NCKAP5: variants seen among roughly 807,000 people sequenced by gnomAD.
NCKAP5 encodes nck-associated protein 5.
A neutral mutation model predicts 167.0 loss-of-function variants in NCKAP5; 92 were observed. That is an observed-to-expected ratio of 0.55 (90% CI 0.47 to 0.66). The LOEUF is 0.66. Among genes scored for constraint, NCKAP5 ranks in the 30% least tolerant of loss-of-function variants. The probability of loss-of-function intolerance (pLI) is 0.00; values close to 1 mark genes in which losing one functional copy is unlikely to be tolerated. For synonymous variants in NCKAP5, 891 were observed against 877.4 expected (o/e 1.02, Z -0.27); for missense variants, 2,378 against 2,315.0 (o/e 1.03, Z -0.56).
At chr2:133,070,029 A>G (rs1463259587) in intron 6 of NCKAP5, among the ~76,000 whole-genome samples, 2 of 152,178 alleles carry the variant, frequency 1.3e-5, no homozygotes, top group East Asian at 3.9e-4. Context: ...AAATGCCATT[A>G]ATATCACTTA....
chr2:133,466,656 T>A (rs905693466), intron 3 of NCKAP5, among the ~76,000 whole-genome samples: 2 of 152,246 alleles, frequency 1.3e-5, no homozygotes, highest in Non-Finnish European at 2.9e-5. Flanking sequence ...GGAATGTTCT[T>A]CCGTTTGTTT....
At position 133,429,067 on chromosome 2, in the gene NCKAP5, G is replaced by T. The variant is rs372480363; in HGVS notation, c.69+88391C>A. Among the ~76,000 whole-genome samples the T allele has an allele frequency of 1.2e-3, 185 of 152,220 alleles. 2 individuals are homozygous for T. In the South Asian group the frequency reaches 0.037, roughly 31 times the overall value. On this transcript the variant is annotated intron_variant, in intron 3 of 19. Coordinates refer to ENST00000409261, the MANE Select transcript of NCKAP5 (RefSeq NM_207363.3). ...CCACATAGGATTTATGCCCTCTGCG[G>T]GACGGTTATAACAGCACAACACTGG...
intron 6 of NCKAP5, chr2:133,122,225 C>T (rs1238953744): frequency 1.3e-5 from 2 of 152,000 alleles, no homozygotes; most frequent in Non-Finnish European, 2.9e-5. Context: ...TTTCTATAAA[C>T]CACACCAAAA....
At chr2:133,548,622 C>T (rs1440988832) in intron 2 of NCKAP5, among the ~76,000 whole-genome samples, 1 of 151,830 alleles carries the variant, frequency 6.6e-6, no homozygotes, top group Non-Finnish European at 1.5e-5. Context: ...CATATCCAGC[C>T]AAACTAAGCT....
At chr2:133,158,845 G>T (rs1304868156) in intron 5 of NCKAP5, among the ~76,000 whole-genome samples, 1 of 151,848 alleles carries the variant, frequency 6.6e-6, no homozygotes, top group Non-Finnish European at 1.5e-5. Flanking sequence ...AGAACCTACT[G>T]CTCTTCTGGG....
At position 132,904,450 on chromosome 2, in the gene NCKAP5, A is replaced by T. The variant is rs77747970; in HGVS notation, c.580-25534T>A. ...ACTATACGTTATTTAACCATTTCTC[A>T]TGTTTGCTGCAAGGATTATGCTTAA... is the stretch of plus-strand genomic sequence containing the variant. On this transcript the variant is annotated intron_variant, in intron 8 of 19. Coordinates refer to ENST00000409261, the MANE Select transcript of NCKAP5 (RefSeq NM_207363.3). Among the ~76,000 whole-genome samples the T allele has an allele frequency of 8.2e-3, 1,247 of 152,216 alleles. 10 individuals carry two copies. Among genetic ancestry groups the T allele is most frequent in the Middle Eastern group, 0.02 (6 of 294 alleles).
At chr2:133,039,994 G>A (rs2079159322) in intron 6 of NCKAP5, among the ~76,000 whole-genome samples, 1 of 152,098 alleles carries the variant, frequency 6.6e-6, no homozygotes, top group South Asian at 2.1e-4. Context: ...GAAGATCAAT[G>A]TTTTGATATT....
intron 13 of NCKAP5, 62 bp from the exon 14 acceptor site, chr2:132,785,780 GA>G: frequency 3.8e-6 from 5 of 1,319,172 alleles, no homozygotes; most frequent in Non-Finnish European, 4.9e-6. Context: ...GATATAAAAG[GA>G]AAAGTACATC....
intron 8 of NCKAP5, among the ~76,000 whole-genome samples, chr2:132,907,230 A>G (rs1282193486): frequency 1.3e-5 from 2 of 152,214 alleles, no homozygotes; most frequent in Admixed American, 6.5e-5. Context: ...ACTCATAACA[A>G]TGATCACCTA....
the NCKAP5 span, among the ~76,000 whole-genome samples, chr2:133,619,697 A>T: frequency 6.6e-6 from 1 of 152,194 alleles, no homozygotes; most frequent in Non-Finnish European, 1.5e-5. Context: ...ATAATCAAGG[A>T]AAACTTCCCT....
chr2:132,712,609 G>GCCCA (rs1688974500), intron 19 of NCKAP5, among the ~76,000 whole-genome samples: 1 of 151,990 alleles, frequency 6.6e-6, no homozygotes, highest in Non-Finnish European at 1.5e-5. Flanking sequence ...CAGAGATTGT[G>GCCCA]CCACTGCACT....
chr2:132,745,859 A>C (rs1679595424), intron 16 of NCKAP5, among the ~76,000 whole-genome samples: 1 of 152,028 alleles, frequency 6.6e-6, no homozygotes, highest in Non-Finnish European at 1.5e-5. Context: ...TGAAAAAAAC[A>C]CATCTTATAA....
intron 4 of NCKAP5, among the ~76,000 whole-genome samples, chr2:133,270,602 A>G (rs1011356445): frequency 4.6e-5 from 7 of 152,214 alleles, no homozygotes; most frequent in African/African-American, 1.7e-4. Flanking sequence ...TTAAGCAACA[A>G]AAGTACTGGA....
intron 5 of NCKAP5, among the ~76,000 whole-genome samples, chr2:133,197,092 T>C (rs1366496673): frequency 6.6e-6 from 1 of 152,306 alleles, no homozygotes; most frequent in East Asian, 1.9e-4. Context: ...ATGTTCCAGC[T>C]TTCTAGATAA....
intron 4 of NCKAP5, among the ~76,000 whole-genome samples, chr2:133,295,010 C>A (rs1679863817): frequency 6.6e-6 from 1 of 152,144 alleles, no homozygotes; most frequent in African/African-American, 2.4e-5. Context: ...TTTACTTGGG[C>A]AAATGGTTTG....
chr2:132,829,192 C>T (rs1422841178), intron 11 of NCKAP5, among the ~76,000 whole-genome samples: 1 of 152,106 alleles, frequency 6.6e-6, no homozygotes, highest in Admixed American at 6.6e-5. Flanking sequence ...TTTATTTAAG[C>T]ATCAAAGTAA....
At chr2:132,895,829 AAAAAC>A (rs1186448659) in intron 8 of NCKAP5, among the ~76,000 whole-genome samples, 9 of 147,220 alleles carry the variant, frequency 6.1e-5, no homozygotes, top group African/African-American at 1.6e-4. Flanking sequence ...AAAAAAAAAA[AAAAAC>A]AAAAAAAAAA....
chr2:133,594,270 G>A, the NCKAP5 span, among the ~76,000 whole-genome samples: 1 of 152,276 alleles, frequency 6.6e-6, no homozygotes, highest in South Asian at 2.1e-4. Context: ...GACTTCGTTG[G>A]CTGGGAGGAA....
At chr2:133,090,796 A>G (rs911276613) in intron 6 of NCKAP5, among the ~76,000 whole-genome samples, 6 of 151,788 alleles carry the variant, frequency 4.0e-5, no homozygotes, top group East Asian at 3.9e-4. Context: ...TTGGCGGGGG[A>G]AATTACAGAA....
Sources: allele counts gnomAD v4.1 joint callset (sites outside exome capture counted in the v4.1 genomes callset), GRCh38; gene constraint gnomAD v4.1.1; transcripts MANE v1.5; gene names NCBI Gene and HGNC (gene_info 2026-07-23, HGNC 2026-07-21).